PITPNM3: variants seen among roughly 807,000 people sequenced by gnomAD.
The protein encoded by PITPNM3 is membrane-associated phosphatidylinositol transfer protein 3.
A neutral mutation model predicts 102.0 loss-of-function variants in PITPNM3; 26 were observed. That is an observed-to-expected ratio of 0.25 (90% confidence interval 0.19 to 0.35). The LOEUF is 0.35. PITPNM3 is among the 10% of genes least tolerant of loss of function. The pLI is 1.00. For synonymous variants in PITPNM3, 578 were observed against 558.6 expected, an observed-to-expected ratio of 1.03 and a Z score of -0.49; for missense variants, 1,083 against 1,346.1, an observed-to-expected ratio of 0.80 and a Z score of 3.06.
intron 2 of PITPNM3, among the ~76,000 whole-genome samples, chr17:6,533,902 G>C (rs1909274905): frequency 6.6e-6 from 1 of 152,198 alleles, no homozygotes; most frequent in Non-Finnish European, 1.5e-5. Context: ...TTGATGGACG[G>C]ACGCACCATT....
Position 6,556,192 on chromosome 17 carries a change from G to A in PITPNM3, c.22+193C>T, listed in dbSNP as rs936851739. Among the ~76,000 whole-genome samples the A allele has an allele frequency of 9.9e-5, 15 of 152,032 alleles. No homozygotes were observed. In the South Asian group the frequency reaches 1.2e-3, roughly 13 times the overall value. The stretch of plus-strand genomic sequence containing the variant: ...GCGGTGTCCCCCGAGGTGACCGGGG[G>A]CGCAGGAAGGACGGGGGGCGCGCGG... On this transcript the variant is annotated intron_variant, in intron 1 of 19. Coordinates refer to ENST00000262483, the MANE Select transcript of PITPNM3 (RefSeq NM_031220.4). This position sits in a 1 kb window ranked among gnomAD's most constrained non-coding sequence, Gnocchi z 5.2.
In PITPNM3 at chr17:6,469,002, A is replaced by C. The variant is rs1904924867; in HGVS notation, c.1774-661T>G. On this transcript the variant is annotated intron_variant, in intron 13 of 19. Transcript: ENST00000262483. The surrounding 1 kb of genome is among the most constrained non-coding windows in gnomAD (Gnocchi z 4.0). ...AGCCATTCTTGCCACTGCCCCGGTG[A>C]CTCCCACCCCGCCTATCTCAGGGGT... 1.3e-5 allele frequency among the ~76,000 whole-genome samples: 2 copies of C among 150,146 alleles called. No homozygotes were observed. Among genetic ancestry groups the C allele is most frequent in the East Asian group, 2.0e-4 (1 of 5,056 alleles).
chr17:6,501,862 T>C (rs1163527948), intron 4 of PITPNM3, among the ~76,000 whole-genome samples: 2 of 152,170 alleles, frequency 1.3e-5, no homozygotes. Flanking sequence ...AATGGCCCCA[T>C]CTCTCAAAAC....
chr17:6,535,302 G>A (rs1284320919), intron 2 of PITPNM3, among the ~76,000 whole-genome samples: 2 of 151,938 alleles, frequency 1.3e-5, no homozygotes, highest in East Asian at 3.9e-4. Flanking sequence ...CAGACACAGA[G>A]CACTGGCTGG....
intron 2 of PITPNM3, among the ~76,000 whole-genome samples, chr17:6,531,957 T>A (rs7218151): frequency 6.6e-6 from 1 of 151,808 alleles, no homozygotes; most frequent in Non-Finnish European, 1.5e-5. Flanking sequence ...ACAAAAAAAA[T>A]CAGCTGGGCC....
chr17:6,519,139 C>T (rs1460980105), intron 3 of PITPNM3, among the ~76,000 whole-genome samples: 4 of 147,420 alleles, frequency 2.7e-5, no homozygotes, highest in Non-Finnish European at 6.0e-5. Context: ...AGATCGAGAC[C>T]GTCCTGGCTA....
At chr17:6,494,499 C>A (rs1448739448) in intron 4 of PITPNM3, among the ~76,000 whole-genome samples, 1 of 152,240 alleles carries the variant, frequency 6.6e-6, no homozygotes, top group Non-Finnish European at 1.5e-5. Context: ...TGCACAGTAA[C>A]CCCTGCCAAG....
intron 2 of PITPNM3, among the ~76,000 whole-genome samples, chr17:6,533,903 A>G (rs908125989): frequency 5.3e-5 from 8 of 152,194 alleles, no homozygotes; most frequent in African/African-American, 1.9e-4. Flanking sequence ...TGATGGACGG[A>G]CGCACCATTA....
In PITPNM3 at chr17:6,538,039, A is replaced by G; in HGVS notation, c.66T>C (p.Asn22=). 1 of 1,612,558 alleles carries G rather than the reference A, an allele frequency of 6.2e-7. No individual in the cohort carries two copies. The highest frequency in any genetic ancestry group is 8.5e-7 in the Non-Finnish European group (1 of 1,179,140). Residue 22 remains asparagine (N), a synonymous_variant, in exon 2 of 20, where the codon AAT becomes AAC. Coordinates refer to ENST00000262483, the MANE Select transcript of PITPNM3 (RefSeq NM_031220.4). The part of the protein sequence containing the change: ...PGGGAPWHLR[N]VLSDSVESSD... ...AGCTCTCCACAGAGTCACTGAGGAC[A>G]TTTCGAAGGTGCCAGGGGGCACCGC...
chr17:6,536,776 C>T (rs754482378), intron 2 of PITPNM3, among the ~76,000 whole-genome samples: 1 of 152,230 alleles, frequency 6.6e-6, no homozygotes, highest in Non-Finnish European at 1.5e-5. Context: ...TCTTCCAAGA[C>T]CCCGTTTGCC....
chr17:6,478,523 G>C lies in PITPNM3; in HGVS notation c.777+24C>G, dbSNP rs1209180496. 6.2e-7 allele frequency: 1 copy of C among 1,612,714 alleles called. No homozygotes were observed. The highest frequency in any genetic ancestry group is 8.5e-7 in the Non-Finnish European group (1 of 1,179,116). ...CGGGGCCGGAACAGGGGAGGGGAGAGGAGGAGAGGGCAGGCTGTCCTACCT... is the reference window on the plus strand; with the variant it reads ...CGGGGCCGGAACAGGGGAGGGGAGACGAGGAGAGGGCAGGCTGTCCTACCT... On this transcript the variant is annotated intron_variant, in intron 7 of 19. Coordinates refer to ENST00000262483, the MANE Select transcript of PITPNM3 (RefSeq NM_031220.4). This position sits in a 1 kb window ranked among gnomAD's most constrained non-coding sequence, Gnocchi z 4.4.
intron 4 of PITPNM3, among the ~76,000 whole-genome samples, chr17:6,484,794 G>A (rs905290111): frequency 6.6e-6 from 1 of 152,206 alleles, no homozygotes; most frequent in African/African-American, 2.4e-5. Context: ...GGAAGAGGTT[G>A]GCATTTGAAG....
Position 6,470,199 on chromosome 17 carries a change from G to T in PITPNM3, c.1773+61C>A. 2.0e-6 allele frequency: 3 copies of T among 1,510,762 alleles called. No individual in the cohort carries two copies. Among genetic ancestry groups the T allele is most frequent in the Non-Finnish European group, 2.7e-6 (3 of 1,112,052 alleles). The allele number at this position is 1,510,762 out of a possible 1,614,324, so 93.6% of individuals were successfully genotyped here. A position where few individuals can be genotyped will look rare whatever the true frequency, so the allele number is the denominator to read the frequency against. ...GCAAGAATAGCCTCCTCTCCAGCTG[G>T]AGAAGGGGCGGTACCCCCTTGGGGT... On this transcript the variant is annotated intron_variant, in intron 13 of 19. Coordinates refer to ENST00000262483, the MANE Select transcript of PITPNM3 (RefSeq NM_031220.4). The surrounding 1 kb of genome is among the most constrained non-coding windows in gnomAD (Gnocchi z 4.8).
At chr17:6,486,343 T>G (rs1435442044) in intron 4 of PITPNM3, among the ~76,000 whole-genome samples, 1 of 152,176 alleles carries the variant, frequency 6.6e-6, no homozygotes, top group Non-Finnish European at 1.5e-5. Flanking sequence ...CAGAGCCTGC[T>G]GCTCCCCTCT....
Position 6,455,259 on chromosome 17 carries a change from G to A in PITPNM3, c.*79C>T. On this transcript the variant is annotated 3_prime_UTR_variant, in exon 20 of 20. Coordinates refer to ENST00000262483, the MANE Select transcript of PITPNM3 (RefSeq NM_031220.4). Reference sequence around the variant, plus strand: ...AAAAAGCAGGAAAACGCCTGTGTCGGGGAGAGGGCAGCCCCCTCCCGTCCC... The same window carrying A: ...AAAAAGCAGGAAAACGCCTGTGTCGAGGAGAGGGCAGCCCCCTCCCGTCCC... The A allele has an allele frequency of 6.8e-7, 1 of 1,472,002 alleles. No individual in the cohort carries two copies. The highest frequency in any genetic ancestry group is 1.3e-5 in the South Asian group (1 of 75,874). The allele number at this position is 1,472,002 out of a possible 1,614,324, so 91.2% of individuals were successfully genotyped here.
In PITPNM3 at chr17:6,517,723, C is replaced by A. The variant is rs1007041585; in HGVS notation, c.226+7633G>T. Among the ~76,000 whole-genome samples the A allele has an allele frequency of 3.3e-5, 5 of 152,148 alleles. No homozygotes were observed. Among genetic ancestry groups the A allele is most frequent in the Non-Finnish European group, 7.3e-5 (5 of 68,032 alleles). On this transcript the variant is annotated intron_variant, in intron 3 of 19. Coordinates refer to ENST00000262483, the MANE Select transcript of PITPNM3 (RefSeq NM_031220.4). This position sits in a 1 kb window ranked among gnomAD's most constrained non-coding sequence, Gnocchi z 4.1. Reference sequence around the variant, plus strand: ...CACAGGCACATGCCATCACACCCAGCTAGTTGTTTAATTTTTTGTAGAGGT... The same window carrying A: ...CACAGGCACATGCCATCACACCCAGATAGTTGTTTAATTTTTTGTAGAGGT...
rs1294712440 is a variant in PITPNM3, at chr17:6,474,581, T to C, written c.1109A>G (p.Asp370Gly). 6.3e-7 allele frequency: 1 copy of C among 1,578,198 alleles called. No individual in the cohort carries two copies. The highest frequency in any genetic ancestry group is 8.6e-7 in the Non-Finnish European group (1 of 1,162,782). The change falls in exon 10 of 20, where the codon GAT (aspartate) becomes GGT (glycine). Residue 370 changes from aspartate (D) to glycine (G), a missense_variant. By Grantham distance (94) the Asp-to-Gly change is moderately conservative. Transcript: ENST00000262483. ...LSSIHSSVLK[D>G]ESETPAAGGP... ...CCCAGCCGCCGGGGTCTCAGACTCA[T>C]CCTTTAGCACGCTGGAGTGGATGCT...
chr17:6,540,925 C>T (rs1909699723), intron 1 of PITPNM3, among the ~76,000 whole-genome samples: 1 of 152,208 alleles, frequency 6.6e-6, no homozygotes, highest in Non-Finnish European at 1.5e-5. Flanking sequence ...TCCCAAAGTG[C>T]TGGGATTACA....
At chr17:6,510,212 TG>T (rs1907791591) in intron 3 of PITPNM3, among the ~76,000 whole-genome samples, 1 of 152,198 alleles carries the variant, frequency 6.6e-6, no homozygotes, top group South Asian at 2.1e-4. Flanking sequence ...CTTTTATGCT[TG>T]GGGTTTTTAT....
Sources: gnomAD v4.1 joint callset for allele counts (sites outside exome capture counted in the v4.1 genomes callset) on GRCh38, gnomAD v4.1.1 for gene constraint, Gnocchi (gnomAD v3.1) non-coding constraint, MANE v1.5 for transcripts, NCBI Gene and HGNC (gene_info 2026-07-23, HGNC 2026-07-21) for gene names.